Variants in CARD6 observed in about 807,000 individuals in gnomAD.
CARD6 encodes the protein caspase recruitment domain family member 6.
CARD6 carries 27 observed loss-of-function variants against 23.6 expected under a neutral mutation model. That is an observed-to-expected ratio of 1.14 (90% CI 0.84 to 1.58). The LOEUF (loss-of-function observed/expected upper bound fraction) is 1.58, where lower values mean the gene tolerates loss of function less well. Among genes scored for constraint, CARD6 ranks in the 40% most tolerant of loss-of-function variants. The probability of loss-of-function intolerance (pLI) is 0.00; values close to 1 mark genes in which losing one functional copy is unlikely to be tolerated. For missense variants in CARD6, 1,214 were observed against 1,209.9 expected (o/e 1.00, Z -0.05); for synonymous variants, 397 against 431.8 (o/e 0.92, Z 1.00).
At chr5:40,846,489 G>A (rs1745970229) in intron 2 of CARD6, among the ~76,000 whole-genome samples, 1 of 152,138 alleles carries the variant, frequency 6.6e-6, no homozygotes, top group Admixed American at 6.5e-5. Flanking sequence ...CCACAAATGA[G>A]TGGCTTTAGA....
Position 40,852,965 on chromosome 5 carries a change from T to A in CARD6, c.1633T>A (p.Phe545Ile). The A allele has an allele frequency of 6.2e-7, 1 of 1,614,192 alleles. No individual in the cohort carries two copies. The highest frequency in any genetic ancestry group is 8.5e-7 in the Non-Finnish European group (1 of 1,180,030). ...NLESFWTQFG[F>I]LMEVSSAVFF... ...AGAAAGCTTTTGGACTCAGTTTGGT[T>A]TTTTGATGGAAGTTTCTTCAGCTGT... The change falls in exon 3 of 3, where the codon TTT becomes ATT. Residue 545 changes from phenylalanine (F) to isoleucine (I), a missense_variant. Phe to Ile is a conservative substitution (Grantham distance 21). Transcript: ENST00000254691.
rs749487022 is a variant in CARD6, at chr5:40,854,136, C to G, written c.2804C>G (p.Pro935Arg). 6.2e-7 allele frequency: 1 copy of G among 1,614,190 alleles called. No individual in the cohort carries two copies. The highest frequency in any genetic ancestry group is 1.7e-5 in the Admixed American group (1 of 60,018). Residue 935 changes from proline to arginine, a missense_variant, in exon 3 of 3, where the codon CCC (proline) becomes CGC (arginine). By Grantham distance (103) the Pro-to-Arg change is moderately radical. Coordinates refer to ENST00000254691, the MANE Select transcript of CARD6 (RefSeq NM_032587.4). ...SNPALQIGSHPMCKSSQFKSD... is the reference protein window; with the variant it reads ...SNPALQIGSHRMCKSSQFKSD... ...CCAGCTCTCCAAATAGGGTCCCATC[C>G]CATGTGCAAGAGCTCTCAGTTCAAA...
In CARD6 at chr5:40,843,525, C is replaced by T. The variant is rs773686198; in HGVS notation, c.657C>T (p.Asp219=). The change falls in exon 2 of 3, where the codon GAC becomes GAT. Residue 219 remains aspartate, a synonymous_variant. Coordinates refer to ENST00000254691, the MANE Select transcript of CARD6 (RefSeq NM_032587.4). ...LGKEEYLGSV[D]TPEDAEATVE... is the part of the protein sequence containing the mutation. ...AAGAGGAATATCTAGGATCTGTTGA[C>T]ACCCCTGAAGATGCAGAAGCCACTG... 2.5e-6 allele frequency: 4 copies of T among 1,608,160 alleles called. No homozygotes were observed. Among genetic ancestry groups the T allele is most frequent in the Non-Finnish European group, 3.4e-6 (4 of 1,178,258 alleles).
At chr5:40,850,667 A>C in intron 2 of CARD6, among the ~76,000 whole-genome samples, 1 of 138,154 alleles carries the variant, frequency 7.2e-6, no homozygotes, top group South Asian at 2.5e-4. Flanking sequence ...AGTTGCAGTG[A>C]GCCGAGATCG....
chr5:40,855,016 G>T lies in CARD6; in HGVS notation c.*570G>T. ...CCAATCTTGGGTATTATTAGATAAT[G>T]TATAACTTGCACCCAGGGAATGGGG... On this transcript the variant is annotated 3_prime_UTR_variant, in exon 3 of 3. Transcript: ENST00000254691. 6.5e-6 allele frequency: 1 copy of T among 153,706 alleles called. No homozygotes were observed. The allele number at this position is 153,706 out of a possible 1,614,324, so 9.5% of individuals were successfully genotyped here.
In CARD6 at chr5:40,854,207, CCCTT is replaced by C; in HGVS notation, c.2878_2881del (p.Phe960IlefsTer123). 1 of 1,614,172 alleles carries C rather than the reference CCCTT, an allele frequency of 6.2e-7. No individual in the cohort carries two copies. The highest frequency in any genetic ancestry group is 8.5e-7 in the Non-Finnish European group (1 of 1,180,018). On this transcript the variant is annotated frameshift_variant, in exon 3 of 3. Coordinates refer to ENST00000254691, the MANE Select transcript of CARD6 (RefSeq NM_032587.4). LOFTEE classifies it low-confidence loss of function (END_TRUNC). ...CACAGTCAAACACTCCCAGCCTAAA[CCCTT>C]CCATTCTGTGCCCTCTCAACCTAAA...
In CARD6 at chr5:40,853,012, A is replaced by G. The variant is rs1216292447; in HGVS notation, c.1680A>G (p.Leu560=). The G allele has an allele frequency of 6.2e-7, 1 of 1,613,968 alleles. No homozygotes were observed. Among genetic ancestry groups the G allele is most frequent in the Non-Finnish European group, 8.5e-7 (1 of 1,180,008 alleles). The change falls in exon 3 of 3, where the codon TTA becomes TTG. Residue 560 remains leucine, a synonymous_variant. Coordinates refer to ENST00000254691, the MANE Select transcript of CARD6 (RefSeq NM_032587.4). ...CTGTGTTTTTTTTCACTGACTGTTT[A>G]GGTGAGAAGGAATGGGACTTGCTAA... ...SSAVFFFTDC[L]GEKEWDLLMF...
chr5:40,851,712 A>G (rs1488230805), intron 2 of CARD6, among the ~76,000 whole-genome samples: 1 of 151,716 alleles, frequency 6.6e-6, no homozygotes, highest in African/African-American at 2.4e-5. Context: ...GCTACTTGGG[A>G]GGCTGAGACA....
chr5:40,850,039 T>C (rs764916608), intron 2 of CARD6, among the ~76,000 whole-genome samples: 2 of 151,588 alleles, frequency 1.3e-5, no homozygotes, highest in African/African-American at 2.4e-5. Context: ...AAATTAGGTA[T>C]AGCATGTAAA....
chr5:40,841,607 T>C lies in CARD6; in HGVS notation c.225T>C (p.Phe75=), dbSNP rs114007630. The part of the protein sequence containing the change: ...QKKGEATCQH[F]LKCLFSTFPQ... ...AGGGAGAGGCGACCTGTCAGCATTT[T>C]CTCAAGTGTTTATTTAGTACTTTTC... The change falls in exon 1 of 3, where the codon TTT becomes TTC. Residue 75 remains phenylalanine (F), a synonymous_variant. Coordinates refer to ENST00000254691, the MANE Select transcript of CARD6 (RefSeq NM_032587.4). 59 of 1,614,164 alleles carry C rather than the reference T, an allele frequency of 3.7e-5. No homozygotes were observed. The African/African-American group carries it at 6.4e-4, about 18-fold the overall frequency.
At chr5:40,848,625 G>A (rs1247546044) in intron 2 of CARD6, among the ~76,000 whole-genome samples, 1 of 152,032 alleles carries the variant, frequency 6.6e-6, no homozygotes, top group Non-Finnish European at 1.5e-5. Flanking sequence ...TTTGGATTGT[G>A]TTCTATCCAT....
Position 40,843,711 on chromosome 5 carries a change from T to C in CARD6, c.841+2T>C. 26 of 1,521,322 alleles carry C rather than the reference T, an allele frequency of 1.7e-5. 1 individual carries two copies. Among genetic ancestry groups the C allele is most frequent in the Non-Finnish European group, 2.3e-5 (26 of 1,140,364 alleles). The allele number at this position is 1,521,322 out of a possible 1,614,324, so 94.2% of individuals were successfully genotyped here. Reference sequence around the variant, plus strand: ...AGGAACAGGAGAAAAGTATAGAAGGTATGGAAATATCTTGTATAGTTAGTT... The same window carrying C: ...AGGAACAGGAGAAAAGTATAGAAGGCATGGAAATATCTTGTATAGTTAGTT... On this transcript the variant is annotated splice_donor_variant, in intron 2 of 2. Coordinates refer to ENST00000254691, the MANE Select transcript of CARD6 (RefSeq NM_032587.4). LOFTEE classifies it high-confidence loss of function.
intron 2 of CARD6, 43 bp from the exon 3 acceptor site, chr5:40,852,131 G>T: frequency 7.6e-7 from 1 of 1,309,914 alleles, no homozygotes; most frequent in South Asian, 1.4e-5. Flanking sequence ...GGGGAAAATT[G>T]AAACTCTGAA....
Position 40,841,509 on chromosome 5 carries a change from G to T in CARD6, c.127G>T (p.Glu43Ter), listed in dbSNP as rs1300385437. ...LTSRRLISEE[E>*]YETLENVTDL... The stretch of plus-strand genomic sequence containing the variant: ...TTCTCGGAGGCTGATTTCTGAGGAA[G>T]AGTATGAGACTCTGGAGAATGTTAC... The change falls in exon 1 of 3, where the codon GAG becomes TAG. Residue 43 changes from glutamate to a stop codon, truncating the protein, a stop_gained. Coordinates refer to ENST00000254691, the MANE Select transcript of CARD6 (RefSeq NM_032587.4). LOFTEE classifies it high-confidence loss of function. 1 of 1,614,098 alleles carries T rather than the reference G, an allele frequency of 6.2e-7. No individual in the cohort carries two copies. The highest frequency in any genetic ancestry group is 1.1e-5 in the South Asian group (1 of 91,072).
chr5:40,841,724 G>T, intron 1 of CARD6, 59 bp downstream of exon 1: 1 of 1,365,750 alleles, frequency 7.3e-7, no homozygotes, highest in East Asian at 2.5e-5. Flanking sequence ...TTCTGAAAAA[G>T]AAAACAAAAT....
Position 40,854,003 on chromosome 5 carries a change from A to G in CARD6, c.2671A>G (p.Ile891Val), listed in dbSNP as rs1271742387. ...ATGKLIRTSH[I>V]GKPHPQSFQP... is the part of the protein sequence containing the mutation. ...TGGAAAACTGATAAGAACATCCCATATTGGAAAGCCTCACCCTCAGTCCTT... is the reference window on the plus strand; with the variant it reads ...TGGAAAACTGATAAGAACATCCCATGTTGGAAAGCCTCACCCTCAGTCCTT... Residue 891 changes from isoleucine to valine, a missense_variant, in exon 3 of 3, where the codon ATT becomes GTT. By Grantham distance (29) the Ile-to-Val change is conservative. Transcript: ENST00000254691. 1 of 1,614,184 alleles carries G rather than the reference A, an allele frequency of 6.2e-7. No homozygotes were observed. The highest frequency in any genetic ancestry group is 8.5e-7 in the Non-Finnish European group (1 of 1,180,022).
chr5:40,844,950 C>G (rs1745941689), intron 2 of CARD6, among the ~76,000 whole-genome samples: 1 of 151,506 alleles, frequency 6.6e-6, no homozygotes, highest in African/African-American at 2.4e-5. Context: ...TCACTGTACC[C>G]TCCGCCTCCC....
Position 40,854,689 on chromosome 5 carries a change from A to G in CARD6, c.*243A>G. On this transcript the variant is annotated 3_prime_UTR_variant, in exon 3 of 3. Transcript: ENST00000254691. ...CACCGCAACCTCTGCTTCCTGGCTTAAAGTGATTCTCCTGCCTCAGCCTCT... is the reference window on the plus strand; with the variant it reads ...CACCGCAACCTCTGCTTCCTGGCTTGAAGTGATTCTCCTGCCTCAGCCTCT... 2.3e-6 allele frequency: 1 copy of G among 435,584 alleles called. No homozygotes were observed. Among genetic ancestry groups the G allele is most frequent in the East Asian group, 4.1e-5 (1 of 24,420 alleles). 27.0% of individuals were successfully genotyped at this position (435,584 alleles called of 1,614,324 possible).
At chr5:40,848,390 T>A (rs1702164198) in intron 2 of CARD6, among the ~76,000 whole-genome samples, 1 of 152,156 alleles carries the variant, frequency 6.6e-6, no homozygotes, top group Middle Eastern at 3.4e-3. Context: ...TAATTTTGTA[T>A]TTTTTGTAGA....
Sources: allele counts gnomAD v4.1 joint callset (sites outside exome capture counted in the v4.1 genomes callset), GRCh38; gene constraint gnomAD v4.1.1; transcripts MANE v1.5; gene names NCBI Gene and HGNC (gene_info 2026-07-23, HGNC 2026-07-21).